Variants in IL7 observed in about 807,000 individuals in gnomAD.
IL7 encodes the protein interleukin-7.
Under a neutral mutation model 21.6 loss-of-function variants are expected in IL7, and 3 were observed. The observed-to-expected ratio is 0.14, with a 90% confidence interval of 0.06 to 0.36. IL7 has a LOEUF of 0.36. Ranked by LOEUF, IL7 falls within the 10% of genes least tolerant of loss-of-function variation. The pLI is 1.00. For synonymous variants in IL7, 62 were observed against 68.1 expected (o/e 0.91, Z 0.44); for missense variants, 175 against 200.2 (o/e 0.87, Z 0.76).
rs533298520 is a variant in IL7 at position 78,754,926 on chromosome 8, T to A, written c.148-14844A>T. 2.6e-5 allele frequency among the ~76,000 whole-genome samples: 4 copies of A among 152,252 alleles called. No homozygotes were observed. In the South Asian group the frequency reaches 8.3e-4, roughly 32 times the overall value. On this transcript the variant is annotated intron_variant, in intron 2 of 5. Coordinates refer to ENST00000263851, the MANE Select transcript of IL7 (RefSeq NM_000880.4). ...CTTTCCCTAAAAATGTTCTGAAGCA[T>A]TTCTCCTATATTCTCTTCTAGTGGT...
chr8:78,795,802 G>A (rs947651650), intron 2 of IL7, among the ~76,000 whole-genome samples: 1 of 151,978 alleles, frequency 6.6e-6, no homozygotes, highest in Non-Finnish European at 1.5e-5. Flanking sequence ...GCCATTTACT[G>A]TGCACTATTT....
chr8:78,729,361 T>C (rs956798254), downstream of IL7, among the ~76,000 whole-genome samples: 4 of 151,994 alleles, frequency 2.6e-5, no homozygotes, highest in Admixed American at 1.3e-4. Flanking sequence ...GTTGAGTGAA[T>C]GAATTATATG....
intron 1 of IL7, 125 bp from the exon 2 acceptor site, chr8:78,798,333 T>A: frequency 1.5e-6 from 1 of 656,386 alleles, no homozygotes. Flanking sequence ...TTGGAGATAC[T>A]ACAGGAAGAA....
exon 5 of IL7, chr8:78,675,957 A>G: frequency 9.1e-7 from 1 of 1,101,734 alleles, no homozygotes. Context: ...TACGTGGAAT[A>G]GTTTTTGAAG....
At chr8:78,780,693 AG>A (rs1412145148) in intron 2 of IL7, among the ~76,000 whole-genome samples, 2 of 152,344 alleles carry the variant, frequency 1.3e-5, no homozygotes, top group Non-Finnish European at 2.9e-5. Context: ...GGTGCCAAGA[AG>A]AATGTATATT....
intron 6 of IL7, chr8:78,718,048 A>AG (rs1014024290): frequency 6.6e-6 from 1 of 151,996 alleles, no homozygotes; most frequent in South Asian, 2.1e-4. Context: ...AAAAACTAAG[A>AG]GAAAAAAAAA....
At position 78,804,986 on chromosome 8, in the gene IL7, C is replaced by A; in HGVS notation, c.-64G>T. 1 of 1,574,874 alleles carries A rather than the reference C, an allele frequency of 6.3e-7. No homozygotes were observed. Among genetic ancestry groups the A allele is most frequent in the Non-Finnish European group, 8.7e-7 (1 of 1,153,182 alleles). On this transcript the variant is annotated 5_prime_UTR_variant, in exon 1 of 6. Coordinates refer to ENST00000263851, the MANE Select transcript of IL7 (RefSeq NM_000880.4). ...TGGAGCAGGAGCAAGCTCTCACCGC[C>A]CATAGTCACTCCCAGGACCCTGGTC...
chr8:78,689,642 T>C (rs1293636801), intron 3 of IL7, among the ~76,000 whole-genome samples: 1 of 151,902 alleles, frequency 6.6e-6, no homozygotes, highest in Non-Finnish European at 1.5e-5. Flanking sequence ...ATATAAAATA[T>C]ATAAAAACAT....
intron 6 of IL7, chr8:78,718,987 T>C (rs1453620397): frequency 6.6e-6 from 1 of 151,804 alleles, no homozygotes; most frequent in Non-Finnish European, 1.5e-5. Flanking sequence ...ACAAACTTAA[T>C]AGGAATTGTC....
intron 2 of IL7, among the ~76,000 whole-genome samples, chr8:78,744,612 G>T (rs557755114): frequency 6.6e-6 from 1 of 152,268 alleles, no homozygotes; most frequent in South Asian, 2.1e-4. Flanking sequence ...TCGCTGCTTG[G>T]CCCACTGGAT....
At chr8:78,802,211 A>T (rs1281839036) in intron 1 of IL7, among the ~76,000 whole-genome samples, 1 of 152,204 alleles carries the variant, frequency 6.6e-6, no homozygotes, top group African/African-American at 2.4e-5. Flanking sequence ...GTCAAAGTTA[A>T]CATAAATAGT....
chr8:78,791,144 A>T lies in IL7; in HGVS notation c.147+6928T>A, dbSNP rs140568725. Among the ~76,000 whole-genome samples the T allele has an allele frequency of 1.2e-4, 19 of 152,242 alleles. No homozygotes were observed. In the East Asian group the frequency reaches 3.7e-3, roughly 29 times the overall value. On this transcript the variant is annotated intron_variant, in intron 2 of 5. Coordinates refer to ENST00000263851, the MANE Select transcript of IL7 (RefSeq NM_000880.4). Reference sequence around the variant, plus strand: ...ACAAGTTCTTTCTTCTCCAAGTATCACTTATTTGTGGCTTTATAGGAAAAC... The same window carrying T: ...ACAAGTTCTTTCTTCTCCAAGTATCTCTTATTTGTGGCTTTATAGGAAAAC...
intron 2 of IL7, among the ~76,000 whole-genome samples, chr8:78,771,174 GCAATAGA>G (rs1173885872): frequency 2.2e-4 from 31 of 138,810 alleles, no homozygotes; most frequent in Middle Eastern, 4.0e-3. Flanking sequence ...ACCTCCCAAC[GCAATAGA>G]CATTGTGGTT....
intron 2 of IL7, chr8:78,747,090 G>A (rs914233154): frequency 2.2e-6 from 1 of 456,086 alleles, no homozygotes; most frequent in South Asian, 1.5e-5. Context: ...TTTTTGTAGG[G>A]CTGATTCTAA....
At chr8:78,695,414 T>G (rs933069926) in intron 3 of IL7, among the ~76,000 whole-genome samples, 3 of 152,208 alleles carry the variant, frequency 2.0e-5, no homozygotes. Context: ...TCTGCCTGTT[T>G]CCTGCCTAAA....
At chr8:78,697,046 G>A (rs1440823405) in intron 3 of IL7, among the ~76,000 whole-genome samples, 2 of 152,100 alleles carry the variant, frequency 1.3e-5, no homozygotes, top group African/African-American at 4.8e-5. Flanking sequence ...AGTCTAGTTT[G>A]GAAAACCTTT....
intron 2 of IL7, among the ~76,000 whole-genome samples, chr8:78,783,348 A>G (rs1236792940): frequency 6.6e-6 from 1 of 152,148 alleles, no homozygotes; most frequent in East Asian, 1.9e-4. Flanking sequence ...TGGGGATGGG[A>G]GTCCCACTTA....
downstream of IL7, among the ~76,000 whole-genome samples, chr8:78,715,593 GGAA>G (rs1811076746): frequency 6.6e-6 from 1 of 152,136 alleles, no homozygotes; most frequent in African/African-American, 2.4e-5. Context: ...ATAAGAGTTT[GGAA>G]GAAGTTGTTC....
At chr8:78,772,821 T>C (rs1013456673) in intron 2 of IL7, among the ~76,000 whole-genome samples, 5 of 152,038 alleles carry the variant, frequency 3.3e-5, no homozygotes, top group African/African-American at 9.7e-5. Context: ...AATCAGTGAG[T>C]GTCGATGGTC....
Sources: allele counts gnomAD v4.1 joint callset (sites outside exome capture counted in the v4.1 genomes callset), GRCh38; gene constraint gnomAD v4.1.1; transcripts MANE v1.5; gene names NCBI Gene and HGNC (gene_info 2026-07-23, HGNC 2026-07-21).